DYNC1LI1: variants seen among roughly 807,000 people sequenced by gnomAD.
DYNC1LI1 encodes dynein cytoplasmic 1 light intermediate chain 1.
In DYNC1LI1, 19 loss-of-function variants were observed where a neutral mutation model predicts 63.8. The ratio of observed to expected loss-of-function variants is 0.30; its 90% CI spans 0.21 to 0.44. DYNC1LI1 has a LOEUF of 0.44. DYNC1LI1 is among the 20% of genes least tolerant of loss of function. The pLI is 1.00. For missense variants in DYNC1LI1, 565 were observed against 630.2 expected, an observed-to-expected ratio of 0.90 and a Z score of 1.11; for synonymous variants, 225 against 232.3, an observed-to-expected ratio of 0.97 and a Z score of 0.28.
At chr3:32,542,776 T>C (rs1697899789) in intron 4 of DYNC1LI1, among the ~76,000 whole-genome samples, 1 of 152,198 alleles carries the variant, frequency 6.6e-6, no homozygotes, top group African/African-American at 2.4e-5. Context: ...TGTTTTCTCT[T>C]AAAGTAATTA....
intron 2 of DYNC1LI1, among the ~76,000 whole-genome samples, chr3:32,559,007 C>A (rs1698153458): frequency 6.6e-6 from 1 of 151,760 alleles, no homozygotes; most frequent in Non-Finnish European, 1.5e-5. Context: ...ATCAGACCAT[C>A]TCTATAGTGA....
intron 2 of DYNC1LI1, among the ~76,000 whole-genome samples, chr3:32,562,521 T>C (rs1393962457): frequency 6.6e-6 from 1 of 152,110 alleles, no homozygotes; most frequent in Non-Finnish European, 1.5e-5. Context: ...AAATTTTTTT[T>C]GTAGAGGCAG....
intron 3 of DYNC1LI1, chr3:32,545,591 C>G: frequency 2.3e-6 from 1 of 428,108 alleles, no homozygotes; most frequent in South Asian, 3.1e-5. Context: ...GGAAGATGAA[C>G]TGAAAAACTG....
intron 2 of DYNC1LI1, among the ~76,000 whole-genome samples, chr3:32,563,471 T>C (rs1004349572): frequency 1.6e-4 from 25 of 152,038 alleles, no homozygotes; most frequent in African/African-American, 6.0e-4. Flanking sequence ...TTTCTGTTTT[T>C]AGTAGAAATG....
intron 2 of DYNC1LI1, among the ~76,000 whole-genome samples, chr3:32,563,856 T>C (rs1198383184): frequency 1.3e-5 from 2 of 152,226 alleles, no homozygotes; most frequent in African/African-American, 4.8e-5. Flanking sequence ...TATACCTAAC[T>C]GGAATAACAA....
intron 5 of DYNC1LI1, among the ~76,000 whole-genome samples, chr3:32,537,876 T>TATATATATATAATTTATATATATA (rs1429871495): frequency 4.0e-5 from 4 of 99,974 alleles, no homozygotes; most frequent in South Asian, 2.7e-4. Context: ...TTGTTACATA[T>TATATATATATAATTTATATATATA]ATATATATAT....
Position 32,530,467 on chromosome 3 carries a change from C to A in DYNC1LI1, c.1134G>T (p.Lys378Asn). The change falls in exon 9 of 13, where the codon AAG becomes AAT. Residue 378 changes from lysine to asparagine, a missense_variant. Lys to Asn is a moderately conservative substitution (Grantham distance 94, BLOSUM62 0). Transcript: ENST00000273130. ...MAEDDQVFLMKLQSLLAKQPP... is the reference protein window; with the variant it reads ...MAEDDQVFLMNLQSLLAKQPP... ...TTCTGATATAATTTCATACCTGTAG[C>A]TTCATAAGAAACACCTGATCATCTT... 1 of 1,613,328 alleles carries A rather than the reference C, an allele frequency of 6.2e-7. No homozygotes were observed. Among genetic ancestry groups the A allele is most frequent in the Non-Finnish European group, 8.5e-7 (1 of 1,179,720 alleles).
At chr3:32,548,367 G>A (rs778265516) in intron 2 of DYNC1LI1, among the ~76,000 whole-genome samples, 1 of 152,122 alleles carries the variant, frequency 6.6e-6, no homozygotes, top group African/African-American at 2.4e-5. Context: ...ATGATCTGAG[G>A]TAAAAGAGTT....
chr3:32,539,044 C>T (rs1697841956), intron 5 of DYNC1LI1, among the ~76,000 whole-genome samples: 1 of 152,054 alleles, frequency 6.6e-6, no homozygotes, highest in Admixed American at 6.6e-5. Flanking sequence ...AGTAAGACTG[C>T]TTTTCATAAG....
At chr3:32,533,269 A>G (rs1405673132) in intron 7 of DYNC1LI1, among the ~76,000 whole-genome samples, 172 bp from the exon 8 acceptor site, 1 of 152,242 alleles carries the variant, frequency 6.6e-6, no homozygotes, top group Non-Finnish European at 1.5e-5. Flanking sequence ...TTAAAATGAA[A>G]GCCTGGGCAA....
intron 4 of DYNC1LI1, among the ~76,000 whole-genome samples, chr3:32,543,797 G>A (rs1697914936): frequency 1.3e-5 from 2 of 151,346 alleles, no homozygotes; most frequent in South Asian, 4.2e-4. Context: ...GGACGTGGTG[G>A]CTCATGCCTG....
chr3:32,530,210 A>T, intron 10 of DYNC1LI1, 74 bp downstream of exon 10: 1 of 1,226,514 alleles, frequency 8.2e-7, no homozygotes, highest in Non-Finnish European at 1.1e-6. Flanking sequence ...TGAAATATGT[A>T]CATAATTAAT....
Position 32,570,843 on chromosome 3 carries a change from G to A in DYNC1LI1, c.-73C>T. On this transcript the variant is annotated 5_prime_UTR_variant, in exon 1 of 13. Coordinates refer to ENST00000273130, the MANE Select transcript of DYNC1LI1 (RefSeq NM_016141.4). Reference sequence around the variant, plus strand: ...GGCTGAGGCGGTGGCGGTGGAGGCGGCGGGAACCCGGATATGGGGCGTTCA... The same window carrying A: ...GGCTGAGGCGGTGGCGGTGGAGGCGACGGGAACCCGGATATGGGGCGTTCA... 6.6e-7 allele frequency: 1 copy of A among 1,522,518 alleles called. No homozygotes were observed. The highest frequency in any genetic ancestry group is 8.8e-7 in the Non-Finnish European group (1 of 1,131,826). 94.3% of individuals were successfully genotyped at this position (1,522,518 alleles called of 1,614,324 possible).
intron 2 of DYNC1LI1, among the ~76,000 whole-genome samples, chr3:32,556,321 A>T (rs564391320): frequency 1.3e-5 from 2 of 152,218 alleles, no homozygotes; most frequent in South Asian, 4.1e-4. Flanking sequence ...TGTACTGCAG[A>T]GGGTCATCTT....
At chr3:32,567,839 G>C (rs975338288) in intron 2 of DYNC1LI1, among the ~76,000 whole-genome samples, 1 of 152,026 alleles carries the variant, frequency 6.6e-6, no homozygotes, top group African/African-American at 2.4e-5. Context: ...GAGTAACTGG[G>C]ATTACAGGTG....
chr3:32,529,506 G>A, intron 11 of DYNC1LI1, 34 bp downstream of exon 11: 2 of 1,568,654 alleles, frequency 1.3e-6, no homozygotes, highest in South Asian at 1.2e-5. Flanking sequence ...CTTGTAAAAT[G>A]TATTGTCTTG....
At chr3:32,545,201 A>T in intron 3 of DYNC1LI1, 95 bp from the exon 4 acceptor site, 4 of 788,974 alleles carry the variant, frequency 5.1e-6, no homozygotes, top group Non-Finnish European at 8.5e-6. Context: ...GCATCTCCAC[A>T]GGAGATGTGC....
chr3:32,542,011 TA>T (rs1196673863), intron 4 of DYNC1LI1, among the ~76,000 whole-genome samples: 1 of 152,210 alleles, frequency 6.6e-6, no homozygotes. Context: ...TTTCAAAGAA[TA>T]TTTAACGTTG....
chr3:32,558,403 TA>T (rs533076265), intron 2 of DYNC1LI1, among the ~76,000 whole-genome samples: 4,936 of 90,444 alleles, frequency 0.055, 73 homozygotes, highest in Admixed American at 0.066. Context: ...TTTAAAAATG[TA>T]AAAAAAAAAA....
Sources: allele counts gnomAD v4.1 joint callset (sites outside exome capture counted in the v4.1 genomes callset), GRCh38; gene constraint gnomAD v4.1.1; transcripts MANE v1.5; gene names NCBI Gene and HGNC (gene_info 2026-07-23, HGNC 2026-07-21).